SERPINB2: variants seen among roughly 807,000 people sequenced by gnomAD.
The protein encoded by SERPINB2 is serpin family B member 2.
A neutral mutation model predicts 39.4 loss-of-function variants in SERPINB2; 28 were observed. That is an observed-to-expected ratio of 0.71 (90% CI 0.53 to 0.97). SERPINB2 has a LOEUF of 0.97. Ranked by LOEUF, SERPINB2 falls within the 50% of genes least tolerant of loss-of-function variation. The pLI is 0.00. For missense variants in SERPINB2, 557 were observed against 505.3 expected, an observed-to-expected ratio of 1.10 and a Z score of -0.98; for synonymous variants, 209 against 175.1, an observed-to-expected ratio of 1.19 and a Z score of -1.53.
intron 1 of SERPINB2, among the ~76,000 whole-genome samples, chr18:63,889,131 AT>A (rs2049909651): frequency 1.3e-5 from 2 of 152,146 alleles, no homozygotes; most frequent in African/African-American, 4.8e-5. Context: ...CTATTTTCAT[AT>A]TTTCATTCAT....
rs772025533 is a variant in SERPINB2 at position 63,902,491 on chromosome 18, C to A, written c.766C>A (p.Leu256Ile). The change falls in exon 7 of 8, where the codon CTC (leucine) becomes ATC (isoleucine). Residue 256 changes from leucine (L) to isoleucine (I), a missense_variant. Physicochemically the swap from Leu to Ile is conservative, Grantham distance 5 (BLOSUM62 2). Transcript: ENST00000299502. ...AGACCTAAAGGCTCAGATTCTAGAA[C>A]TCCCATATGCTGGAGATGTTAGCAT... ...IEDLKAQILE[L>I]PYAGDVSMFL... 18 of 1,613,658 alleles carry A rather than the reference C, an allele frequency of 1.1e-5. No individual in the cohort carries two copies. Among genetic ancestry groups the A allele is most frequent in the Non-Finnish European group, 1.5e-5 (18 of 1,179,714 alleles).
At chr18:63,888,399 T>C (rs1441542907) in intron 1 of SERPINB2, among the ~76,000 whole-genome samples, 1 of 152,224 alleles carries the variant, frequency 6.6e-6, no homozygotes, top group Non-Finnish European at 1.5e-5. Context: ...AAAAAGATAC[T>C]TATTCATTAT....
chr18:63,893,363 G>A (rs565095803), intron 2 of SERPINB2, among the ~76,000 whole-genome samples: 1 of 152,238 alleles, frequency 6.6e-6, no homozygotes, highest in African/African-American at 2.4e-5. Context: ...GATTGCTCTG[G>A]ACACAAGACA....
At chr18:63,888,760 T>C (rs968360528) in intron 1 of SERPINB2, among the ~76,000 whole-genome samples, 1 of 152,214 alleles carries the variant, frequency 6.6e-6, no homozygotes, top group Non-Finnish European at 1.5e-5. Flanking sequence ...ATTACTCCCA[T>C]TAATTCATCC....
In SERPINB2 at chr18:63,902,535, T is replaced by C. The variant is rs569035126; in HGVS notation, c.810T>C (p.Asp270=). 1.2e-5 allele frequency: 19 copies of C among 1,613,498 alleles called. No individual in the cohort carries two copies. In the South Asian group the frequency reaches 1.9e-4, roughly 16 times the overall value. Residue 270 remains aspartate (D), a synonymous_variant, in exon 7 of 8, where the codon GAT becomes GAC. Coordinates refer to ENST00000299502, the MANE Select transcript of SERPINB2 (RefSeq NM_002575.3). ...GDVSMFLLLP[D]EIADVSTGLE... Reference sequence around the variant, plus strand: ...TTAGCATGTTCTTGTTGCTTCCAGATGAAATTGCCGATGTGTCCACTGGCT... The same window carrying C: ...TTAGCATGTTCTTGTTGCTTCCAGACGAAATTGCCGATGTGTCCACTGGCT...
intron 2 of SERPINB2, 36 bp downstream of exon 2, chr18:63,891,648 T>G (rs6094): frequency 0.24 from 379,785 of 1,591,108 alleles, 47,728 homozygotes; most frequent in East Asian, 0.41. Context: ...TTGGGCCGAG[T>G]AGTTCCTGAA....
At chr18:63,888,952 TATGGCC>T (rs1368131972) in intron 1 of SERPINB2, among the ~76,000 whole-genome samples, 1 of 152,208 alleles carries the variant, frequency 6.6e-6, no homozygotes, top group Non-Finnish European at 1.5e-5. Context: ...AAACATAAAG[TATGGCC>T]TTATCTGAGA....
Position 63,903,473 on chromosome 18 carries a change from T to A in SERPINB2, c.*168T>A. On this transcript the variant is annotated 3_prime_UTR_variant, in exon 8 of 8. Coordinates refer to ENST00000299502, the MANE Select transcript of SERPINB2 (RefSeq NM_002575.3). ...ACACAGAAATAATTAGACAATTGTC[T>A]ATTATAACATGACAACCCTATTAAT... is the stretch of plus-strand genomic sequence containing the variant. 1 of 540,820 alleles carries A rather than the reference T, an allele frequency of 1.8e-6. No individual in the cohort carries two copies. The highest frequency in any genetic ancestry group is 2.9e-6 in the Non-Finnish European group (1 of 343,584). The allele number at this position is 540,820 out of a possible 1,614,324, so 33.5% of individuals were successfully genotyped here. A position where few individuals can be genotyped will look rare whatever the true frequency, so the allele number is the denominator to read the frequency against.
intron 6 of SERPINB2, 37 bp downstream of exon 6, chr18:63,901,919 T>C: frequency 6.4e-7 from 1 of 1,570,120 alleles, no homozygotes; most frequent in African/African-American, 1.4e-5. Flanking sequence ...TAGCATATAT[T>C]TTAGGGCTTT....
Position 63,901,944 on chromosome 18 carries a change from C to G in SERPINB2, c.678+62C>G, listed in dbSNP as rs1599064710. 4.7e-6 allele frequency: 7 copies of G among 1,493,286 alleles called. No individual in the cohort carries two copies. In the South Asian group the frequency reaches 6.5e-5, roughly 14 times the overall value. 92.5% of individuals were successfully genotyped at this position (1,493,286 alleles called of 1,614,324 possible). ...TTTAGGGCTTTTGACAAGATATAGA[C>G]AGAAAAATTAGAGACCGCTCATTAT... On this transcript the variant is annotated intron_variant, in intron 6 of 7. Transcript: ENST00000299502.
At chr18:63,897,681 T>C (rs2049968798) in intron 4 of SERPINB2, 46 bp from the exon 5 acceptor site, 1 of 1,240,936 alleles carries the variant, frequency 8.1e-7, no homozygotes. Flanking sequence ...CCATGGCTTG[T>C]TTGGTATGTA....
At chr18:63,891,760 C>T (rs1000230797) in intron 2 of SERPINB2, 148 bp downstream of exon 2, 1 of 818,446 alleles carries the variant, frequency 1.2e-6, no homozygotes, top group African/African-American at 1.7e-5. Flanking sequence ...AACACAAATT[C>T]CTTAGATTCA....
In SERPINB2 at chr18:63,897,743, G is replaced by A; in HGVS notation, c.434G>A (p.Cys145Tyr). 1 of 1,608,280 alleles carries A rather than the reference G, an allele frequency of 6.2e-7. No individual in the cohort carries two copies. Among genetic ancestry groups the A allele is most frequent in the Non-Finnish European group, 8.5e-7 (1 of 1,174,992 alleles). ...ASFREEYIRL[C>Y]QKYYSSEPQA... ...GCTTTAAAGGAATATATTCGACTCTGTCAGAAATATTACTCCTCAGAACCC... is the reference window on the plus strand; with the variant it reads ...GCTTTAAAGGAATATATTCGACTCTATCAGAAATATTACTCCTCAGAACCC... The change falls in exon 5 of 8, where the codon TGT becomes TAT. Residue 145 changes from cysteine to tyrosine, a missense_variant. Physicochemically the swap from Cys to Tyr is radical, Grantham distance 194 (BLOSUM62 -2). Transcript: ENST00000299502.
rs759578676 is a variant in SERPINB2, at chr18:63,903,036, A to T, written c.979A>T (p.Met327Leu). Residue 327 changes from methionine (M) to leucine (L), a missense_variant, in exon 8 of 8, where the codon ATG (methionine) becomes TTG (leucine). Physicochemically the swap from Met to Leu is conservative, Grantham distance 15. Transcript: ENST00000299502. ...TGAACTCAGATCCATTCTGAGAAGCATGGGCATGGAGGACGCCTTCAACAA... is the reference window on the plus strand; with the variant it reads ...TGAACTCAGATCCATTCTGAGAAGCTTGGGCATGGAGGACGCCTTCAACAA... ...HYELRSILRS[M>L]GMEDAFNKGR... 6 of 1,613,884 alleles carry T rather than the reference A, an allele frequency of 3.7e-6. No individual in the cohort carries two copies. The Admixed American group carries it at 1.0e-4, about 27-fold the overall frequency.
At chr18:63,894,328 A>C (rs1452815213) in intron 2 of SERPINB2, among the ~76,000 whole-genome samples, 1 of 152,188 alleles carries the variant, frequency 6.6e-6, no homozygotes, top group African/African-American at 2.4e-5. Context: ...TGTATGACTC[A>C]AAGAGCAGAA....
intron 7 of SERPINB2, 114 bp downstream of exon 7, chr18:63,902,682 G>A (rs1379333698): frequency 1.7e-6 from 2 of 1,165,540 alleles, no homozygotes; most frequent in East Asian, 2.4e-5. Flanking sequence ...ATATGAAACA[G>A]TTGATAGTAA....
chr18:63,903,110 T>C lies in SERPINB2; in HGVS notation c.1053T>C (p.Leu351=). ...SGMSERNDLF[L]SEVFHQAMVD... is the part of the protein sequence containing the mutation. ...TGTCGGAGAGGAATGACCTGTTTCT[T>C]TCTGAAGTGTTCCACCAAGCCATGG... Residue 351 remains leucine, a synonymous_variant, in exon 8 of 8, where the codon CTT becomes CTC. Coordinates refer to ENST00000299502, the MANE Select transcript of SERPINB2 (RefSeq NM_002575.3). 1 of 1,613,698 alleles carries C rather than the reference T, an allele frequency of 6.2e-7. No homozygotes were observed. Among genetic ancestry groups the C allele is most frequent in the African/African-American group, 1.3e-5 (1 of 75,002 alleles).
chr18:63,889,405 T>C (rs907746903), intron 1 of SERPINB2, among the ~76,000 whole-genome samples: 4 of 152,192 alleles, frequency 2.6e-5, no homozygotes, highest in Non-Finnish European at 5.9e-5. Flanking sequence ...AACTTTCTGT[T>C]AGTTTGTCTT....
intron 4 of SERPINB2, 102 bp downstream of exon 4, chr18:63,897,321 GA>G: frequency 7.1e-7 from 1 of 1,401,950 alleles, no homozygotes; most frequent in Non-Finnish European, 9.6e-7. Flanking sequence ...AGCAGAGTTG[GA>G]ATTCCACACC....
Sources: gnomAD v4.1 joint callset for allele counts (sites outside exome capture counted in the v4.1 genomes callset) on GRCh38, gnomAD v4.1.1 for gene constraint, MANE v1.5 for transcripts, NCBI Gene and HGNC (gene_info 2026-07-23, HGNC 2026-07-21) for gene names.